Variants in DACH2 observed in about 807,000 individuals in gnomAD.
DACH2 encodes the protein dachshund family transcription factor 2, also known as dachshund homolog 2.
A neutral mutation model predicts 35.8 loss-of-function variants in DACH2; 17 were observed. That is an observed-to-expected ratio of 0.48 (90% CI 0.33 to 0.71). DACH2 has a LOEUF of 0.71. Ranked by LOEUF, DACH2 falls within the 30% of genes least tolerant of loss-of-function variation. The probability of loss-of-function intolerance (pLI) is 0.02; values close to 1 mark genes in which losing one functional copy is unlikely to be tolerated. For missense variants in DACH2, 469 were observed against 472.7 expected, an observed-to-expected ratio of 0.99 and a Z score of 0.07; for synonymous variants, 195 against 177.3, an observed-to-expected ratio of 1.10 and a Z score of -0.79.
At chrX:86,397,525 G>T (rs1443028074) in intron 2 of DACH2, among the ~76,000 whole-genome samples, 1 of 111,363 alleles carries the variant, frequency 9.0e-6, no homozygotes, top group Non-Finnish European at 1.9e-5. Context: ...TTGGCTGTGG[G>T]TTTGTCATAG....
chrX:86,741,844 G>A (rs2041659468), intron 7 of DACH2, among the ~76,000 whole-genome samples: 1 of 111,260 alleles, frequency 9.0e-6, no homozygotes, highest in Non-Finnish European at 1.9e-5. Context: ...TAATCATATG[G>A]CATGGGTTAT....
intron 2 of DACH2, among the ~76,000 whole-genome samples, chrX:86,412,246 A>G (rs1347481783): frequency 9.0e-6 from 1 of 111,436 alleles, no homozygotes; most frequent in East Asian, 2.9e-4. Context: ...AGGAGAATGT[A>G]ATGTTGTGGG....
At chrX:86,481,510 G>A (rs1013609737) in intron 2 of DACH2, 1 of 112,060 alleles carries the variant, frequency 8.9e-6, no homozygotes, top group African/African-American at 3.2e-5. Flanking sequence ...TTCTCTAGTT[G>A]TTATCTGTAT....
At chrX:86,284,969 C>T (rs1440734520) in intron 1 of DACH2, among the ~76,000 whole-genome samples, 1 of 111,150 alleles carries the variant, frequency 9.0e-6, no homozygotes, top group Non-Finnish European at 1.9e-5. Flanking sequence ...TTGAATTTCT[C>T]AGTATTAGTT....
chrX:86,722,154 G>A (rs765022289), intron 6 of DACH2, among the ~76,000 whole-genome samples: 1 of 111,817 alleles, frequency 8.9e-6, no homozygotes, highest in African/African-American at 3.2e-5. Flanking sequence ...CAGTCAGTAT[G>A]ATACTGGTTG....
rs186471823 is a variant in DACH2, at chrX:86,215,528, C to T, written c.488+66420C>T. 3.6e-5 allele frequency among the ~76,000 whole-genome samples: 4 copies of T among 111,550 alleles called. No individual in the cohort carries two copies. The East Asian group carries it at 1.1e-3, about 31-fold the overall frequency. ...GGTAATGTATGCATGTGTTAAGAAA[C>T]ATTATAAAAGAGCATGGCATAAAAA... On this transcript the variant is annotated intron_variant, in intron 1 of 11. Transcript: ENST00000373125.
At chrX:86,440,580 T>G (rs745381541) in intron 2 of DACH2, among the ~76,000 whole-genome samples, 2 of 111,690 alleles carry the variant, frequency 1.8e-5, no homozygotes, top group South Asian at 7.4e-4. Context: ...TTTCTCTTCT[T>G]TAATTGATGT....
At chrX:86,229,321 T>C (rs2032896690) in intron 1 of DACH2, among the ~76,000 whole-genome samples, 1 of 111,958 alleles carries the variant, frequency 8.9e-6, no homozygotes, top group African/African-American at 3.2e-5. Context: ...GTTCCATTGG[T>C]CTATGTGCTT....
At chrX:86,548,151 C>T (rs960944484) in intron 3 of DACH2, among the ~76,000 whole-genome samples, 4 of 111,228 alleles carry the variant, frequency 3.6e-5, no homozygotes, top group African/African-American at 1.3e-4. Flanking sequence ...TTCAGCTAAT[C>T]TACTTAGTGG....
At chrX:86,648,594 C>G (rs1262645873) in intron 3 of DACH2, among the ~76,000 whole-genome samples, 1 of 110,728 alleles carries the variant, frequency 9.0e-6, no homozygotes, top group Admixed American at 9.6e-5. Flanking sequence ...CACAGATATT[C>G]AGGTGCTGTA....
At chrX:86,417,001 G>A (rs148528641) in intron 2 of DACH2, among the ~76,000 whole-genome samples, 325 of 102,737 alleles carry the variant, frequency 3.2e-3, no homozygotes, top group Admixed American at 5.5e-3. Flanking sequence ...GTCTGAAGCA[G>A]GAGAATCCCT....
At chrX:86,301,186 A>G (rs768713004) in intron 1 of DACH2, among the ~76,000 whole-genome samples, 5 of 111,969 alleles carry the variant, frequency 4.5e-5, no homozygotes, top group Non-Finnish European at 9.4e-5. Context: ...TCATGGAAAA[A>G]TTTGGCATGG....
intron 5 of DACH2, among the ~76,000 whole-genome samples, chrX:86,713,614 T>C (rs1056233142): frequency 1.8e-5 from 2 of 111,599 alleles, no homozygotes; most frequent in Admixed American, 9.6e-5. Flanking sequence ...TAGGCAAGAT[T>C]ACTGTAGAGG....
At chrX:86,230,390 G>A (rs553739949) in intron 1 of DACH2, among the ~76,000 whole-genome samples, 51 of 111,292 alleles carry the variant, frequency 4.6e-4, no homozygotes, top group African/African-American at 1.7e-3. Context: ...CGGTTAGCTA[G>A]TATTTTGTTA....
chrX:86,229,477 A>G (rs1456404612), intron 1 of DACH2, among the ~76,000 whole-genome samples: 1 of 111,546 alleles, frequency 9.0e-6, no homozygotes, highest in Non-Finnish European at 1.9e-5. Flanking sequence ...CATGAATTTT[A>G]CAATTGTTTT....
rs192418852 is a variant in DACH2, at chrX:86,430,984, A to T, written c.527+54122A>T. Among the ~76,000 whole-genome samples the T allele has an allele frequency of 2.7e-5, 3 of 112,097 alleles. No homozygotes were observed. In the Admixed American group the frequency reaches 2.8e-4, roughly 11 times the overall value. ...CCACTGTGCATGTCCCCTTCTAAGC[A>T]TTAATTCTGTTGTGAGTGACTAAAT... On this transcript the variant is annotated intron_variant, in intron 2 of 11. Transcript: ENST00000373125.
chrX:86,633,959 G>A (rs1387128361), intron 3 of DACH2, among the ~76,000 whole-genome samples: 1 of 112,139 alleles, frequency 8.9e-6, no homozygotes, highest in African/African-American at 3.2e-5. Flanking sequence ...AAATGAGACT[G>A]GGTAATTTAT....
At chrX:86,317,969 G>A (rs2034945069) in intron 1 of DACH2, among the ~76,000 whole-genome samples, 1 of 111,276 alleles carries the variant, frequency 9.0e-6, no homozygotes, top group African/African-American at 3.3e-5. Flanking sequence ...CTCCTTAAAG[G>A]GAAATACACC....
intron 1 of DACH2, among the ~76,000 whole-genome samples, chrX:86,316,029 C>G (rs2034898539): frequency 9.0e-6 from 1 of 111,043 alleles, no homozygotes; most frequent in South Asian, 3.8e-4. Flanking sequence ...ACCAGGTGTG[C>G]TATCTTTTTA....
Sources: gnomAD v4.1 joint callset for allele counts (sites outside exome capture counted in the v4.1 genomes callset) on GRCh38, gnomAD v4.1.1 for gene constraint, MANE v1.5 for transcripts, NCBI Gene and HGNC (gene_info 2026-07-23, HGNC 2026-07-21) for gene names.